Variants in LURAP1L observed in about 807,000 individuals in gnomAD.
LURAP1L encodes leucine rich adaptor protein 1 like, also known as leucine rich adaptor protein 1-like.
Under a neutral mutation model 13.8 loss-of-function variants are expected in LURAP1L, and 12 were observed. The observed-to-expected ratio is 0.87, with a 90% confidence interval of 0.56 to 1.41. The LOEUF (loss-of-function observed/expected upper bound fraction) is 1.41. Ranked by LOEUF, LURAP1L falls within the 40% of genes most tolerant of loss-of-function variation. LURAP1L has a pLI of 0.00. For missense variants in LURAP1L, 375 were observed against 292.9 expected (o/e 1.28, Z -2.04); for synonymous variants, 139 against 119.2 (o/e 1.17, Z -1.08).
chr9:12,817,619 T>C (rs536000942), intron 1 of LURAP1L, among the ~76,000 whole-genome samples: 44 of 152,264 alleles, frequency 2.9e-4, no homozygotes, highest in African/African-American at 1.1e-3. Context: ...AGATCTCAAC[T>C]CTCAGTATCC....
chr9:12,791,202 T>C (rs1164948586), intron 1 of LURAP1L, among the ~76,000 whole-genome samples: 1 of 152,154 alleles, frequency 6.6e-6, no homozygotes, highest in African/African-American at 2.4e-5. Context: ...GTGTTCATTA[T>C]AGGATTCCAG....
rs143512808 is a variant in LURAP1L at position 12,808,574 on chromosome 9, T to C, written c.313-12812T>C. 8.6e-3 allele frequency among the ~76,000 whole-genome samples: 1,307 copies of C among 152,304 alleles called. 19 individuals carry two copies. The highest frequency in any genetic ancestry group is 0.03 in the African/African-American group (1,241 of 41,568). ...TTACTCCACACTCTTCTTGCTTATA[T>C]GGTTTCTGAGTATAAGTTTGGTGTA... On this transcript the variant is annotated intron_variant, in intron 1 of 1. Coordinates refer to ENST00000319264, the MANE Select transcript of LURAP1L (RefSeq NM_203403.2).
intron 1 of LURAP1L, among the ~76,000 whole-genome samples, chr9:12,801,404 C>T (rs764113238): frequency 6.6e-6 from 1 of 151,812 alleles, no homozygotes; most frequent in Non-Finnish European, 1.5e-5. Flanking sequence ...GAATCCATAC[C>T]CCAGTTCCTT....
At chr9:12,812,746 T>C (rs1819754731) in intron 1 of LURAP1L, among the ~76,000 whole-genome samples, 1 of 152,190 alleles carries the variant, frequency 6.6e-6, no homozygotes, top group South Asian at 2.1e-4. Context: ...TTCAAATGCA[T>C]TGCTGAACAA....
chr9:12,791,012 C>G (rs1289819371), intron 1 of LURAP1L, among the ~76,000 whole-genome samples: 1 of 152,104 alleles, frequency 6.6e-6, no homozygotes, highest in Non-Finnish European at 1.5e-5. Context: ...CATTAATTCC[C>G]TGACTATCCT....
Position 12,821,422 on chromosome 9 carries a change from C to T in LURAP1L, c.349C>T (p.Gln117Ter), listed in dbSNP as rs1170420332. The change falls in exon 2 of 2, where the codon CAG becomes TAG. Residue 117 changes from glutamine (Q) to a stop codon, truncating the protein, a stop_gained. Coordinates refer to ENST00000319264, the MANE Select transcript of LURAP1L (RefSeq NM_203403.2). LOFTEE classifies it high-confidence loss of function. The part of the protein sequence containing the change: ...LRATDVRLMR[Q>*]LLVINESIES... ...AGCCACAGACGTCAGGCTCATGCGC[C>T]AGTTGCTTGTAATCAATGAGAGCAT... 6.2e-7 allele frequency: 1 copy of T among 1,614,116 alleles called. No homozygotes were observed. The highest frequency in any genetic ancestry group is 1.7e-5 in the Admixed American group (1 of 60,016).
chr9:12,791,518 G>C (rs1048104563), intron 1 of LURAP1L, among the ~76,000 whole-genome samples: 13 of 151,876 alleles, frequency 8.6e-5, no homozygotes, highest in African/African-American at 3.1e-4. Context: ...TAAAATTTTT[G>C]TTTTGAAATA....
intron 1 of LURAP1L, among the ~76,000 whole-genome samples, chr9:12,811,256 G>A (rs1819732121): frequency 6.6e-6 from 1 of 152,154 alleles, no homozygotes; most frequent in African/African-American, 2.4e-5. Flanking sequence ...TAATCTCGCT[G>A]CATTTTAAGC....
In LURAP1L at chr9:12,788,732, T is replaced by C. The variant is rs1426031880; in HGVS notation, c.312+12705T>C. On this transcript the variant is annotated intron_variant, in intron 1 of 1. Transcript: ENST00000319264. ...ATACCCTATAATGTTAACAGTGATA[T>C]CATTGAATGATAAGGGTAGGGTTAT... Among the ~76,000 whole-genome samples, 11 of 152,146 alleles carry C rather than the reference T, an allele frequency of 7.2e-5. No individual in the cohort carries two copies. The East Asian group carries it at 1.2e-3, about 16-fold the overall frequency.
At chr9:12,819,489 T>G (rs575374301) in intron 1 of LURAP1L, among the ~76,000 whole-genome samples, 1 of 152,330 alleles carries the variant, frequency 6.6e-6, no homozygotes, top group South Asian at 2.1e-4. Flanking sequence ...TGAATACTTT[T>G]GAGGACAATT....
At chr9:12,815,167 T>A (rs754044178) in intron 1 of LURAP1L, among the ~76,000 whole-genome samples, 3 of 152,138 alleles carry the variant, frequency 2.0e-5, no homozygotes, top group African/African-American at 7.2e-5. Flanking sequence ...CTGGAAATTT[T>A]AAGGATGGGT....
In LURAP1L at chr9:12,821,788, G is replaced by A. The variant is rs780363683; in HGVS notation, c.*28G>A. 1 of 1,583,656 alleles carries A rather than the reference G, an allele frequency of 6.3e-7. No individual in the cohort carries two copies. Among genetic ancestry groups the A allele is most frequent in the Non-Finnish European group, 8.6e-7 (1 of 1,160,806 alleles). On this transcript the variant is annotated 3_prime_UTR_variant, in exon 2 of 2. Coordinates refer to ENST00000319264, the MANE Select transcript of LURAP1L (RefSeq NM_203403.2). ...ACAGTTTTTTGCATGGGACTGGTGT[G>A]CAATGAACTTGTATTTATCCTTCTT...
In LURAP1L at chr9:12,775,633, G is replaced by C. The variant is rs1819160108; in HGVS notation, c.-83G>C. On this transcript the variant is annotated 5_prime_UTR_variant, in exon 1 of 2. Coordinates refer to ENST00000319264, the MANE Select transcript of LURAP1L (RefSeq NM_203403.2). ...GAGACCCTGGCCCCCGGAGAGGTCT[G>C]CTGATTTCGCAGCAGCCTTCGAAGC... is the stretch of plus-strand genomic sequence containing the variant. The C allele has an allele frequency of 6.7e-7, 1 of 1,500,488 alleles. No homozygotes were observed. The highest frequency in any genetic ancestry group is 1.4e-5 in the African/African-American group (1 of 71,332). The allele number at this position is 1,500,488 out of a possible 1,614,324, so 92.9% of individuals were successfully genotyped here. A position where few individuals can be genotyped will look rare whatever the true frequency, so the allele number is the denominator to read the frequency against.
chr9:12,797,979 G>T (rs1193328532), intron 1 of LURAP1L, among the ~76,000 whole-genome samples: 4 of 152,070 alleles, frequency 2.6e-5, no homozygotes, highest in Admixed American at 6.6e-5. Context: ...CCCTAAAAAT[G>T]AACGGTAATT....
intron 1 of LURAP1L, chr9:12,777,559 A>C (rs41314217): frequency 1.0e-6 from 1 of 974,736 alleles, no homozygotes; most frequent in Non-Finnish European, 1.2e-6. Context: ...AATCTAATAA[A>C]TAAATCTTGT....
chr9:12,792,679 AC>A (rs1444172123), intron 1 of LURAP1L, among the ~76,000 whole-genome samples: 4 of 152,080 alleles, frequency 2.6e-5, no homozygotes, highest in African/African-American at 9.7e-5. Context: ...TAAAATTCAT[AC>A]AAACTCTTTT....
intron 1 of LURAP1L, among the ~76,000 whole-genome samples, chr9:12,814,749 A>C (rs557346548): frequency 3.9e-5 from 6 of 152,320 alleles, no homozygotes; most frequent in African/African-American, 1.4e-4. Flanking sequence ...CACTGTGCTG[A>C]TGACAGTATT....
chr9:12,793,605 A>T (rs1819473530), intron 1 of LURAP1L, among the ~76,000 whole-genome samples: 1 of 152,076 alleles, frequency 6.6e-6, no homozygotes, highest in African/African-American at 2.4e-5. Flanking sequence ...GCAATTGACT[A>T]TTTCCACTCG....
intron 1 of LURAP1L, among the ~76,000 whole-genome samples, chr9:12,793,198 G>C (rs945915401): frequency 6.6e-6 from 1 of 151,968 alleles, no homozygotes; most frequent in Non-Finnish European, 1.5e-5. Context: ...TCAGTAGCCT[G>C]AGAAATTATA....
Sources: allele counts gnomAD v4.1 joint callset (sites outside exome capture counted in the v4.1 genomes callset), GRCh38; gene constraint gnomAD v4.1.1; transcripts MANE v1.5; gene names NCBI Gene and HGNC (gene_info 2026-07-23, HGNC 2026-07-21).